The following STS variants were observed in gnomAD, a reference collection of about 807,000 sequenced individuals.
The protein encoded by STS is steroid sulfatase.
A neutral mutation model predicts 26.8 loss-of-function variants in STS; 7 were observed. That is an observed-to-expected ratio of 0.26 (90% confidence interval 0.15 to 0.49). The LOEUF (loss-of-function observed/expected upper bound fraction) is 0.49. Among genes scored for constraint, STS ranks in the 20% least tolerant of loss-of-function variants. STS has a pLI of 0.98. For missense variants in STS, 434 were observed against 465.6 expected (o/e 0.93, Z 0.63); for synonymous variants, 199 against 189.4 (o/e 1.05, Z -0.42).
At position 7,277,273 on chromosome X, in the gene STS, C is replaced by T. The variant is rs182788051; in HGVS notation, c.943+1186C>T. ...ATTTTCATATATTTGTTTCCTTTTA[C>T]TTTTTCTCTCTCTCATTCTTCCTTC... is the stretch of plus-strand genomic sequence containing the variant. On this transcript the variant is annotated intron_variant, in intron 7 of 10. Transcript: ENST00000674429. Among the ~76,000 whole-genome samples, 23 of 111,990 alleles carry T rather than the reference C, an allele frequency of 2.1e-4. No individual in the cohort carries two copies. The East Asian group carries it at 6.1e-3, about 30-fold the overall frequency.
intron 2 of STS, among the ~76,000 whole-genome samples, chrX:7,228,996 C>T (rs1445794802): frequency 8.9e-6 from 1 of 111,974 alleles, no homozygotes; most frequent in East Asian, 2.8e-4. Context: ...CACTGAAATT[C>T]CCCATCTCTT....
chrX:7,171,711 A>G (rs1601627721), intron 1 of STS, among the ~76,000 whole-genome samples: 1 of 111,812 alleles, frequency 8.9e-6, no homozygotes, highest in Non-Finnish European at 1.9e-5. Context: ...CTGCCCAGAC[A>G]TTAATAGGAA....
intron 1 of STS, among the ~76,000 whole-genome samples, chrX:7,179,853 A>G (rs1440715545): frequency 8.9e-6 from 1 of 112,254 alleles, no homozygotes. Context: ...CCATTGTACA[A>G]CATGGTGACT....
intron 2 of STS, among the ~76,000 whole-genome samples, chrX:7,228,875 C>G (rs752765814): frequency 8.9e-5 from 10 of 112,421 alleles, no homozygotes; most frequent in Non-Finnish European, 1.9e-4. Context: ...TCTTCAAGGT[C>G]TCTGATTCTT....
intron 1 of STS, among the ~76,000 whole-genome samples, chrX:7,175,676 G>C (rs1217925107): frequency 9.0e-6 from 1 of 111,720 alleles, no homozygotes. Context: ...GTTTCCTCCA[G>C]CATGAGCTAC....
At chrX:7,299,052 T>TA (rs1261170300) in intron 7 of STS, among the ~76,000 whole-genome samples, 4 of 44,447 alleles carry the variant, frequency 9.0e-5, no homozygotes, top group African/African-American at 2.8e-4. Flanking sequence ...TATATATAAA[T>TA]AAATATATTT....
intron 7 of STS, among the ~76,000 whole-genome samples, chrX:7,300,199 A>AAC (rs2147134435): frequency 8.9e-6 from 1 of 112,218 alleles, no homozygotes; most frequent in Admixed American, 9.5e-5. Context: ...TGTTATCTCC[A>AAC]GTTAAATAAC....
intron 2 of STS, among the ~76,000 whole-genome samples, chrX:7,246,894 G>C (rs1231456462): frequency 8.9e-6 from 1 of 112,735 alleles, no homozygotes; most frequent in Non-Finnish European, 1.9e-5. Flanking sequence ...CTACGCCAGG[G>C]ACTAAATCAT....
At chrX:7,243,450 TC>T (rs1922715694) in intron 2 of STS, among the ~76,000 whole-genome samples, 1 of 111,955 alleles carries the variant, frequency 8.9e-6, no homozygotes, top group East Asian at 2.8e-4. Context: ...GAAGAGTGAT[TC>T]ACAAGGAGAA....
chrX:7,171,787 C>G (rs1933473291), intron 1 of STS, among the ~76,000 whole-genome samples: 1 of 111,659 alleles, frequency 9.0e-6, no homozygotes, highest in South Asian at 3.8e-4. Flanking sequence ...TCGATTAGAT[C>G]CATTGGAGGG....
In STS at chrX:7,350,074, G is replaced by A. The variant is rs1412767475; in HGVS notation, c.1550G>A (p.Arg517Gln). 5 of 1,210,144 alleles carry A rather than the reference G, an allele frequency of 4.1e-6. No individual in the cohort carries two copies. In the African/African-American group the frequency reaches 5.2e-5, roughly 13 times the overall value. The change falls in exon 11 of 11, where the codon CGG becomes CAG. Residue 517 changes from arginine (R) to glutamine (Q), a missense_variant. Arg to Gln is a conservative substitution (Grantham distance 43, BLOSUM62 1). Around this residue, in one of 2 missense-constraint regions of STS, gnomAD observed 205 missense variants for 177.3 expected, o/e 1.16. Coordinates refer to ENST00000674429, the MANE Select transcript of STS (RefSeq NM_001320752.2). Reference sequence around the variant, plus strand: ...CCACTAACTCCAGCATCCGAGCCCCGGTTTTATGAAATCCTCAAAGTCATG... The same window carrying A: ...CCACTAACTCCAGCATCCGAGCCCCAGTTTTATGAAATCCTCAAAGTCATG... Reference protein sequence around the residue: ...RNPLTPASEPRFYEILKVMQE... With the variant: ...RNPLTPASEPQFYEILKVMQE...
intron 10 of STS, among the ~76,000 whole-genome samples, chrX:7,336,094 T>A (rs1258699051): frequency 9.0e-6 from 1 of 111,570 alleles, no homozygotes; most frequent in Non-Finnish European, 1.9e-5. Context: ...TGGCAGTCAA[T>A]GGTAAGTGGT....
intron 1 of STS, among the ~76,000 whole-genome samples, chrX:7,169,055 A>G (rs1311840896): frequency 3.6e-5 from 4 of 111,481 alleles, no homozygotes; most frequent in Admixed American, 9.5e-5. Flanking sequence ...CATTGACCAC[A>G]TTAAACCACC....
At chrX:7,339,692 A>C (rs1035713394) in intron 10 of STS, among the ~76,000 whole-genome samples, 1 of 112,043 alleles carries the variant, frequency 8.9e-6, no homozygotes, top group Non-Finnish European at 1.9e-5. Flanking sequence ...TAGAACTTTT[A>C]ATTTTTTATT....
At chrX:7,332,626 T>C (rs1927811487) in intron 9 of STS, among the ~76,000 whole-genome samples, 1 of 111,140 alleles carries the variant, frequency 9.0e-6, no homozygotes, top group Non-Finnish European at 1.9e-5. Context: ...CTAATTCTCA[T>C]GCCTGCCCAC....
In STS at chrX:7,248,580, C is replaced by T. The variant is rs866661563; in HGVS notation, c.-4-4616C>T. ...CCAATGCAGGATACATGGCCTCACT[C>T]AATACCGGTGGGTCAGAGAAAGGAT... On this transcript the variant is annotated intron_variant, in intron 2 of 10. Transcript: ENST00000674429. Among the ~76,000 whole-genome samples the T allele has an allele frequency of 1.1e-4, 12 of 112,264 alleles. No homozygotes were observed. In the South Asian group the frequency reaches 4.4e-3, roughly 42 times the overall value.
intron 2 of STS, chrX:7,219,797 G>T: frequency 1.1e-6 from 1 of 902,286 alleles, no homozygotes; most frequent in South Asian, 2.1e-5. Flanking sequence ...AACATGTGTT[G>T]TCTTGTTCTT....
At chrX:7,187,907 C>T (rs1225734439) in intron 1 of STS, among the ~76,000 whole-genome samples, 1 of 111,160 alleles carries the variant, frequency 9.0e-6, no homozygotes, top group Non-Finnish European at 1.9e-5. Context: ...AGGGGGCATG[C>T]AAATGAGAAA....
intron 7 of STS, among the ~76,000 whole-genome samples, chrX:7,286,855 T>A (rs1925159253): frequency 8.9e-6 from 1 of 112,407 alleles, no homozygotes; most frequent in Non-Finnish European, 1.9e-5. Flanking sequence ...TCAAATAGGA[T>A]AGACCATTTG....
Sources: gnomAD v4.1 joint callset for allele counts (sites outside exome capture counted in the v4.1 genomes callset) on GRCh38, gnomAD v4.1.1 for gene constraint, gnomAD v4.1.1 regional missense constraint, MANE v1.5 for transcripts, NCBI Gene and HGNC (gene_info 2026-07-23, HGNC 2026-07-21) for gene names.